Variants in EYA4 observed in about 807,000 individuals in gnomAD.
The protein encoded by EYA4 is EYA transcriptional coactivator and phosphatase 4.
A neutral mutation model predicts 87.9 loss-of-function variants in EYA4; 31 were observed. The ratio of observed to expected loss-of-function variants is 0.35; its 90% CI spans 0.27 to 0.48. EYA4 has a LOEUF of 0.48. Among genes scored for constraint, EYA4 ranks in the 20% least tolerant of loss-of-function variants. The probability of loss-of-function intolerance (pLI) is 0.99; values close to 1 mark genes in which losing one functional copy is unlikely to be tolerated. For missense variants in EYA4, 678 were observed against 761.4 expected, an observed-to-expected ratio of 0.89 and a Z score of 1.29; for synonymous variants, 263 against 270.6, an observed-to-expected ratio of 0.97 and a Z score of 0.28.
intron 3 of EYA4, among the ~76,000 whole-genome samples, chr6:133,387,795 G>C (rs1175488084): frequency 6.6e-6 from 1 of 152,030 alleles, no homozygotes; most frequent in East Asian, 1.9e-4. Flanking sequence ...TCCCAATTTG[G>C]AAAGTGTTTT....
chr6:133,407,949 T>C (rs193109931), intron 3 of EYA4, among the ~76,000 whole-genome samples: 1 of 152,202 alleles, frequency 6.6e-6, no homozygotes, highest in Admixed American at 6.5e-5. Flanking sequence ...GGATTTAAAG[T>C]ATGGGGGGAA....
intron 6 of EYA4, among the ~76,000 whole-genome samples, chr6:133,457,861 T>G (rs1794039530): frequency 6.6e-6 from 1 of 152,190 alleles, no homozygotes; most frequent in Non-Finnish European, 1.5e-5. Context: ...CTGACCTACT[T>G]CAGTAGTATA....
At chr6:133,326,367 A>G (rs1443057349) in intron 2 of EYA4, among the ~76,000 whole-genome samples, 3 of 152,218 alleles carry the variant, frequency 2.0e-5, no homozygotes, top group Non-Finnish European at 4.4e-5. Flanking sequence ...GTCAAAATAA[A>G]TGCTCTTTGG....
chr6:133,409,615 A>G (rs1358431589), intron 3 of EYA4, among the ~76,000 whole-genome samples: 3 of 152,178 alleles, frequency 2.0e-5, no homozygotes, highest in Admixed American at 6.5e-5. Flanking sequence ...GTATATCTCT[A>G]TATGTGGAAT....
At chr6:133,255,060 G>T (rs1301501042) in intron 1 of EYA4, among the ~76,000 whole-genome samples, 2 of 152,210 alleles carry the variant, frequency 1.3e-5, no homozygotes, top group African/African-American at 4.8e-5. Context: ...TGTACATGGG[G>T]AATAATAACA....
At chr6:133,404,135 G>A (rs1383894377) in intron 3 of EYA4, among the ~76,000 whole-genome samples, 1 of 152,166 alleles carries the variant, frequency 6.6e-6, no homozygotes, top group African/African-American at 2.4e-5. Context: ...ATTTTTAACA[G>A]GAGTGTCTCA....
chr6:133,283,949 T>C (rs1399393864), intron 2 of EYA4, among the ~76,000 whole-genome samples: 3 of 152,240 alleles, frequency 2.0e-5, no homozygotes, highest in African/African-American at 7.2e-5. Context: ...TTGGACTTTC[T>C]GTGTCTGAGT....
At position 133,274,722 on chromosome 6, in the gene EYA4, A is replaced by G. The variant is rs1359454653; in HGVS notation, c.-59A>G. The G allele has an allele frequency of 1.4e-6, 2 of 1,454,628 alleles. No homozygotes were observed. Among genetic ancestry groups the G allele is most frequent in the Non-Finnish European group, 1.9e-6 (2 of 1,035,386 alleles). The allele number at this position is 1,454,628 out of a possible 1,614,324, so 90.1% of individuals were successfully genotyped here. On this transcript the variant is annotated 5_prime_UTR_variant, in exon 2 of 20. Coordinates refer to ENST00000355286, the MANE Select transcript of EYA4 (RefSeq NM_004100.5). ...TTCCATCTTCTTGTTTTAGATAGTC[A>G]TTTTTACTTGAAGGAAGCTGCTTCT...
At chr6:133,487,999 C>T (rs906195497) in intron 13 of EYA4, among the ~76,000 whole-genome samples, 4 of 152,074 alleles carry the variant, frequency 2.6e-5, no homozygotes, top group Non-Finnish European at 5.9e-5. Flanking sequence ...CAGAGGGGTG[C>T]CCACTGCCCT....
chr6:133,470,942 G>A (rs982526652), intron 11 of EYA4, among the ~76,000 whole-genome samples: 1,128 of 87,488 alleles, frequency 0.013, 93 homozygotes, highest in African/African-American at 0.047. Flanking sequence ...CATTGATTTT[G>A]TATCCTGAGA....
chr6:133,333,353 A>G (rs913859540), intron 2 of EYA4, among the ~76,000 whole-genome samples: 5 of 152,212 alleles, frequency 3.3e-5, no homozygotes, highest in African/African-American at 1.2e-4. Flanking sequence ...TTTTCCATGC[A>G]TGGAAATGTT....
chr6:133,420,258 G>A (rs1790103228), intron 3 of EYA4, among the ~76,000 whole-genome samples: 1 of 152,172 alleles, frequency 6.6e-6, no homozygotes, highest in Non-Finnish European at 1.5e-5. Context: ...CCTCTGGGCA[G>A]AGCTGATTGA....
In EYA4 at chr6:133,356,059, GA is replaced by G. The variant is rs1330239805; in HGVS notation, c.34-26332del. 5.9e-5 allele frequency among the ~76,000 whole-genome samples: 3 copies of G among 50,528 alleles called. No homozygotes were observed. In the African/African-American group the frequency reaches 1.1e-3, roughly 18 times the overall value. The allele number at this position is 50,528 out of a possible 152,430, so 33.1% of individuals were successfully genotyped here. ...AGAGAGAAAGAGAGAAAGAGAGAAA[GA>G]GAGAGAGAGAGAGAGAGAGAAAAGA... On this transcript the variant is annotated intron_variant, in intron 2 of 19. Transcript: ENST00000355286.
intron 1 of EYA4, among the ~76,000 whole-genome samples, chr6:133,244,631 A>G (rs1326605638): frequency 2.7e-5 from 4 of 150,884 alleles, no homozygotes; most frequent in South Asian, 2.1e-4. Flanking sequence ...TTGGGTTAAA[A>G]AAAAAAAAGG....
chr6:133,378,273 T>C (rs1785877191), intron 2 of EYA4, among the ~76,000 whole-genome samples: 1 of 152,126 alleles, frequency 6.6e-6, no homozygotes, highest in Non-Finnish European at 1.5e-5. Flanking sequence ...TGTGGGATAT[T>C]AGGCAAGTTG....
chr6:133,352,424 C>T (rs1165015057), intron 2 of EYA4, among the ~76,000 whole-genome samples: 1 of 152,036 alleles, frequency 6.6e-6, no homozygotes, highest in African/African-American at 2.4e-5. Flanking sequence ...TGTTTTAAAA[C>T]AATATAATAC....
chr6:133,252,747 G>A (rs1251231586), intron 1 of EYA4, among the ~76,000 whole-genome samples: 1 of 152,094 alleles, frequency 6.6e-6, no homozygotes, highest in Non-Finnish European at 1.5e-5. Context: ...TTTCTTAAGA[G>A]TTCTAAACAG....
chr6:133,307,657 G>A (rs1779909019), intron 2 of EYA4, among the ~76,000 whole-genome samples: 1 of 152,150 alleles, frequency 6.6e-6, no homozygotes, highest in African/African-American at 2.4e-5. Context: ...AGTACAAGTA[G>A]TGATAGTTAC....
At chr6:133,528,677 C>G in intron 19 of EYA4, 48 bp from the exon 20 acceptor site, 2 of 1,288,016 alleles carry the variant, frequency 1.6e-6, no homozygotes, top group Non-Finnish European at 2.3e-6. Flanking sequence ...CTCCATGCCT[C>G]ATTCCTTCCC....
Sources: gnomAD v4.1 joint callset for allele counts (sites outside exome capture counted in the v4.1 genomes callset) on GRCh38, gnomAD v4.1.1 for gene constraint, MANE v1.5 for transcripts, NCBI Gene and HGNC (gene_info 2026-07-23, HGNC 2026-07-21) for gene names.